ACTR3C: variants seen among roughly 807,000 people sequenced by gnomAD.
ACTR3C encodes the protein actin-related protein 3C.
In ACTR3C, 18 loss-of-function variants were observed where a neutral mutation model predicts 26.3. That is an observed-to-expected ratio of 0.68 (90% CI 0.47 to 1.01). The LOEUF is 1.01. ACTR3C is among the 50% of genes least tolerant of loss of function. The pLI, the probability that ACTR3C is intolerant of heterozygous loss-of-function variation, is 0.00. For missense variants in ACTR3C, 184 were observed against 250.7 expected, an observed-to-expected ratio of 0.73 and a Z score of 1.80; for synonymous variants, 55 against 94.5, an observed-to-expected ratio of 0.58 and a Z score of 2.42.
At chr7:150,316,546 C>T (rs1244334082) in intron 1 of ACTR3C, among the ~76,000 whole-genome samples, 2 of 139,440 alleles carry the variant, frequency 1.4e-5, no homozygotes, top group Non-Finnish European at 3.0e-5. Flanking sequence ...AGTGCAGTGG[C>T]GCGATCTCAG....
the ACTR3C span, among the ~76,000 whole-genome samples, chr7:150,104,571 C>G: frequency 1.3e-5 from 2 of 151,402 alleles, no homozygotes; most frequent in African/African-American, 4.9e-5. Context: ...CCAGTGCCAC[C>G]AAGAGTCAGT....
intron 1 of ACTR3C, chr7:150,322,589 C>T (rs146209621): frequency 6.6e-6 from 1 of 152,350 alleles, no homozygotes; most frequent in African/African-American, 2.4e-5. Flanking sequence ...AACTGCCCAC[C>T]CCTTTCTCTG....
chr7:150,114,440 G>A, the ACTR3C span, among the ~76,000 whole-genome samples: 1 of 151,740 alleles, frequency 6.6e-6, no homozygotes, highest in Non-Finnish European at 1.5e-5. Context: ...CTGAAGATGT[G>A]AGATGAACAG....
chr7:150,097,547 A>T, the ACTR3C span, among the ~76,000 whole-genome samples: 1 of 151,506 alleles, frequency 6.6e-6, no homozygotes, highest in African/African-American at 2.4e-5. Context: ...CTTTCCCTTT[A>T]CATGTAGCCT....
rs570505017 is a variant in ACTR3C, at chr7:150,283,966, T to C, written c.564+787A>G. Among the ~76,000 whole-genome samples the C allele has an allele frequency of 5.9e-5, 9 of 151,336 alleles. No individual in the cohort carries two copies. In the East Asian group the frequency reaches 1.7e-3, roughly 29 times the overall value. ...AATAATCATATAGACTAGATTTTCCTCATTCCAGGTTTCAAAATTCCCTGA... is the reference window on the plus strand; with the variant it reads ...AATAATCATATAGACTAGATTTTCCCCATTCCAGGTTTCAAAATTCCCTGA... On this transcript the variant is annotated intron_variant, in intron 6 of 7. Transcript: ENST00000683684.
chr7:150,094,247 A>G, the ACTR3C span, among the ~76,000 whole-genome samples: 3 of 150,304 alleles, frequency 2.0e-5, no homozygotes, highest in African/African-American at 7.5e-5. Flanking sequence ...GAATCTACAA[A>G]GAACCATGGA....
chr7:150,227,449 C>T, the ACTR3C span, among the ~76,000 whole-genome samples: 1 of 151,252 alleles, frequency 6.6e-6, no homozygotes, highest in Non-Finnish European at 1.5e-5. Context: ...CAGCTCCATC[C>T]ATGATTCTTT....
At chr7:150,033,458 C>T in the ACTR3C span, among the ~76,000 whole-genome samples, 831 of 152,304 alleles carry the variant, frequency 5.5e-3, 3 homozygotes, top group African/African-American at 0.018. Flanking sequence ...ATGCACCTGC[C>T]GTCGGAAGAT....
the ACTR3C span, chr7:150,000,862 A>C: frequency 2.2e-5 from 3 of 137,784 alleles, no homozygotes; most frequent in South Asian, 7.1e-4. Flanking sequence ...CAGCTCCCAG[A>C]GTGAAAGGGA....
At chr7:150,234,972 G>A in the ACTR3C span, among the ~76,000 whole-genome samples, 1 of 152,168 alleles carries the variant, frequency 6.6e-6, no homozygotes, top group Non-Finnish European at 1.5e-5. Context: ...CCTTAGCCAT[G>A]TAGCCAAGTC....
the ACTR3C span, among the ~76,000 whole-genome samples, chr7:150,236,400 G>T: frequency 1.3e-5 from 2 of 152,106 alleles, no homozygotes; most frequent in Non-Finnish European, 2.9e-5. Flanking sequence ...TGACACCTTG[G>T]CATCTAGGGC....
the ACTR3C span, among the ~76,000 whole-genome samples, chr7:150,235,739 G>A: frequency 4.6e-5 from 7 of 152,118 alleles, no homozygotes; most frequent in East Asian, 1.2e-3. Flanking sequence ...GTAAAAACAC[G>A]CAAGTCAATA....
chr7:150,145,049 CAA>C, the ACTR3C span, among the ~76,000 whole-genome samples: 33 of 106,116 alleles, frequency 3.1e-4, no homozygotes, highest in Admixed American at 5.1e-4. Context: ...GACTCCATCT[CAA>C]AAAAAAAAAA....
At chr7:149,927,684 C>A in the ACTR3C span, among the ~76,000 whole-genome samples, 1 of 151,104 alleles carries the variant, frequency 6.6e-6, no homozygotes, top group Non-Finnish European at 1.5e-5. Context: ...GCCAAGATCA[C>A]GCCATTCTAC....
the ACTR3C span, among the ~76,000 whole-genome samples, chr7:150,115,384 G>A: frequency 2.0e-5 from 3 of 152,194 alleles, no homozygotes; most frequent in African/African-American, 7.2e-5. Context: ...ATTAGTCCTC[G>A]ACAGAATTTC....
chr7:150,089,594 G>A, the ACTR3C span, among the ~76,000 whole-genome samples: 1 of 152,084 alleles, frequency 6.6e-6, no homozygotes, highest in East Asian at 1.9e-4. Flanking sequence ...GGGGGATAGG[G>A]GTATTATGTT....
chr7:150,051,102 CTAAA>C, the ACTR3C span, among the ~76,000 whole-genome samples: 8 of 116,802 alleles, frequency 6.8e-5, no homozygotes, highest in East Asian at 1.6e-3. Context: ...GACTCCATCT[CTAAA>C]TAAATAAATA....
the ACTR3C span, among the ~76,000 whole-genome samples, chr7:150,137,241 G>T: frequency 6.6e-6 from 1 of 152,192 alleles, no homozygotes; most frequent in Non-Finnish European, 1.5e-5. Context: ...GAAGCGGGAT[G>T]CTTTTTCCAG....
chr7:150,149,629 A>T, the ACTR3C span, among the ~76,000 whole-genome samples: 1 of 151,758 alleles, frequency 6.6e-6, no homozygotes, highest in Non-Finnish European at 1.5e-5. Context: ...TGCTCAGAAT[A>T]ATGGTTTCCA....
Sources: gnomAD v4.1 joint callset for allele counts (sites outside exome capture counted in the v4.1 genomes callset) on GRCh38, gnomAD v4.1.1 for gene constraint, MANE v1.5 for transcripts, NCBI Gene and HGNC (gene_info 2026-07-23, HGNC 2026-07-21) for gene names.